Variants in PRDM2 observed in about 807,000 individuals in gnomAD.
PRDM2 encodes PR/SET domain 2, also known as PR domain zinc finger protein 2.
A neutral mutation model predicts 130.0 loss-of-function variants in PRDM2; 30 were observed. The observed-to-expected ratio is 0.23, with a 90% CI of 0.17 to 0.31. The LOEUF (loss-of-function observed/expected upper bound fraction) is 0.31, where lower values mean the gene tolerates loss of function less well. Among genes scored for constraint, PRDM2 ranks in the 10% least tolerant of loss-of-function variants. The pLI is 1.00. For missense variants in PRDM2, 2,011 were observed against 2,108.4 expected, an observed-to-expected ratio of 0.95 and a Z score of 0.90; for synonymous variants, 871 against 782.4, an observed-to-expected ratio of 1.11 and a Z score of -1.89.
intron 2 of PRDM2, among the ~76,000 whole-genome samples, chr1:13,716,747 ATC>A (rs796379553): frequency 9.8e-5 from 15 of 152,320 alleles, no homozygotes; most frequent in African/African-American, 3.6e-4. Flanking sequence ...TTTCAATATC[ATC>A]TCTCTTGTAG....
chr1:13,782,095 C>G lies in PRDM2; in HGVS notation c.4300C>G (p.Leu1434Val), dbSNP rs1052347145. ...KKNQLVQKAI[L>V]QKNKSAKQKA... ...AAATCAGCTAGTACAGAAAGCAATTCTTCAGAAAAACAAATCTGCAAAGCA... is the reference window on the plus strand; with the variant it reads ...AAATCAGCTAGTACAGAAAGCAATTGTTCAGAAAAACAAATCTGCAAAGCA... The change falls in exon 8 of 10, where the codon CTT (leucine) becomes GTT (valine). Residue 1434 changes from leucine (L) to valine (V), a missense_variant. Around this residue, in one of 5 missense-constraint regions of PRDM2, gnomAD observed 410 missense variants for 395.9 expected, o/e 1.04. Coordinates refer to ENST00000311066, the MANE Select transcript of PRDM2 (RefSeq NM_001393986.1). 2 of 1,614,052 alleles carry G rather than the reference C, an allele frequency of 1.2e-6. No homozygotes were observed. Among genetic ancestry groups the G allele is most frequent in the Admixed American group, 1.7e-5 (1 of 60,014 alleles).
chr1:13,719,252 T>G (rs1404683369), intron 2 of PRDM2, among the ~76,000 whole-genome samples: 1 of 152,072 alleles, frequency 6.6e-6, no homozygotes. Context: ...GATAGACACA[T>G]GAAGATCTGG....
At chr1:13,713,706 C>T (rs1459451405) in intron 1 of PRDM2, among the ~76,000 whole-genome samples, 1 of 152,136 alleles carries the variant, frequency 6.6e-6, no homozygotes, top group Non-Finnish European at 1.5e-5. Flanking sequence ...AAAGCTTTGT[C>T]AGAGGACACG....
intron 7 of PRDM2, among the ~76,000 whole-genome samples, chr1:13,778,143 C>T (rs1008329305): frequency 2.0e-5 from 3 of 152,202 alleles, no homozygotes; most frequent in East Asian, 3.8e-4. Context: ...CAGCTCCACA[C>T]GGACATCCTT....
intron 8 of PRDM2, among the ~76,000 whole-genome samples, chr1:13,789,013 T>C (rs954972683): frequency 6.6e-6 from 1 of 152,120 alleles, no homozygotes; most frequent in Non-Finnish European, 1.5e-5. Flanking sequence ...CAAGATGCTG[T>C]CAGACACAAG....
chr1:13,709,877 C>T (rs899930539), intron 1 of PRDM2, among the ~76,000 whole-genome samples: 1 of 152,020 alleles, frequency 6.6e-6, no homozygotes, highest in Admixed American at 6.6e-5. Context: ...GTATAAGTGA[C>T]CTCTATGTGT....
intron 5 of PRDM2, among the ~76,000 whole-genome samples, chr1:13,745,807 T>C (rs1643586269): frequency 6.6e-6 from 1 of 152,294 alleles, no homozygotes; most frequent in East Asian, 1.9e-4. Flanking sequence ...GAGATGAGGC[T>C]GTTGAGGTCT....
intron 5 of PRDM2, among the ~76,000 whole-genome samples, chr1:13,746,205 A>T (rs1450425808): frequency 2.0e-5 from 3 of 151,926 alleles, no homozygotes; most frequent in Non-Finnish European, 4.4e-5. Flanking sequence ...AATTTTTTTA[A>T]TATTAAAATA....
chr1:13,766,200 T>C (rs1644223404), intron 6 of PRDM2, among the ~76,000 whole-genome samples: 1 of 152,222 alleles, frequency 6.6e-6, no homozygotes, highest in Non-Finnish European at 1.5e-5. Context: ...CTTAGTCATA[T>C]GCTTTTGTCA....
At chr1:13,765,650 A>T (rs1458746365) in intron 6 of PRDM2, among the ~76,000 whole-genome samples, 2 of 152,112 alleles carry the variant, frequency 1.3e-5, no homozygotes, top group African/African-American at 4.8e-5. Flanking sequence ...TATTTTTAGT[A>T]GAGATGGGAT....
intron 6 of PRDM2, among the ~76,000 whole-genome samples, chr1:13,760,564 T>C (rs1342524193): frequency 6.6e-6 from 1 of 152,228 alleles, no homozygotes; most frequent in Non-Finnish European, 1.5e-5. Context: ...TTTATTGTGA[T>C]ACACCAGAAC....
rs200859618 is a variant in PRDM2, at chr1:13,779,073, G to A, written c.1278G>A (p.Pro426=). 4.8e-5 allele frequency: 77 copies of A among 1,614,170 alleles called. 1 individual carries two copies. The Middle Eastern group carries it at 9.9e-4, about 21-fold the overall frequency. ...GGAAACCCAGCCAAACACTACAGCC[G>A]TCAGAGGATCTGGCTGATGGCAAAG... ...LKRKPSQTLQ[P]SEDLADGKAS... Residue 426 remains proline (P), a synonymous_variant, in exon 8 of 10, where the codon CCG becomes CCA. Transcript: ENST00000311066. The surrounding 1 kb of genome is among the most constrained non-coding windows in gnomAD (Gnocchi z 4.9).
At chr1:13,808,853 T>C (rs981950791) in intron 8 of PRDM2, among the ~76,000 whole-genome samples, 4 of 152,150 alleles carry the variant, frequency 2.6e-5, no homozygotes, top group Admixed American at 2.6e-4. Context: ...ACTGCCCGTG[T>C]GGGGGCCGGT....
chr1:13,809,723 G>C (rs747051604), intron 8 of PRDM2, among the ~76,000 whole-genome samples: 1 of 152,212 alleles, frequency 6.6e-6, no homozygotes, highest in Non-Finnish European at 1.5e-5. Flanking sequence ...CACCTGCAGA[G>C]ATGACAGGCT....
At chr1:13,723,973 T>C (rs545548468) in intron 2 of PRDM2, among the ~76,000 whole-genome samples, 199 of 152,318 alleles carry the variant, frequency 1.3e-3, no homozygotes, top group African/African-American at 4.7e-3. Flanking sequence ...CAGGAAGGGC[T>C]TTCACAATAC....
chr1:13,740,186 G>A (rs368742355), intron 4 of PRDM2, among the ~76,000 whole-genome samples: 1 of 152,182 alleles, frequency 6.6e-6, no homozygotes, highest in East Asian at 1.9e-4. Context: ...TGACCTGAGA[G>A]CCAGGAAGTT....
chr1:13,758,960 C>A (rs1644030970), intron 6 of PRDM2, among the ~76,000 whole-genome samples: 1 of 152,048 alleles, frequency 6.6e-6, no homozygotes, highest in Non-Finnish European at 1.5e-5. Context: ...AAGAATATAA[C>A]ATCTAAAATA....
chr1:13,724,497 C>CTT (rs749027235), intron 2 of PRDM2, among the ~76,000 whole-genome samples: 25 of 129,754 alleles, frequency 1.9e-4, no homozygotes, highest in African/African-American at 3.4e-4. Flanking sequence ...CTTTTCATGG[C>CTT]TTTTTTTTTT....
chr1:13,815,199 C>T (rs542127509), intron 8 of PRDM2, among the ~76,000 whole-genome samples: 2 of 152,078 alleles, frequency 1.3e-5, no homozygotes, highest in East Asian at 1.9e-4. Flanking sequence ...CTCTGCCTCC[C>T]GGGTTCAAGC....
Sources: gnomAD v4.1 joint callset for allele counts (sites outside exome capture counted in the v4.1 genomes callset) on GRCh38, gnomAD v4.1.1 for gene constraint, gnomAD v4.1.1 regional missense constraint, Gnocchi (gnomAD v3.1) non-coding constraint, MANE v1.5 for transcripts, NCBI Gene and HGNC (gene_info 2026-07-23, HGNC 2026-07-21) for gene names.